Variants in PLSCR1 observed in about 807,000 individuals in gnomAD.
PLSCR1 encodes the protein PL scramblase 1.
Under a neutral mutation model 37.8 loss-of-function variants are expected in PLSCR1, and 17 were observed. The ratio of observed to expected loss-of-function variants is 0.45; its 90% CI spans 0.31 to 0.68. PLSCR1 has a LOEUF of 0.68. Among genes scored for constraint, PLSCR1 ranks in the 30% least tolerant of loss-of-function variants. The pLI is 0.06. For synonymous variants in PLSCR1, 116 were observed against 125.9 expected, an observed-to-expected ratio of 0.92 and a Z score of 0.53; for missense variants, 347 against 380.9, an observed-to-expected ratio of 0.91 and a Z score of 0.74.
chr3:146,534,502 C>T (rs2044240302), intron 2 of PLSCR1, among the ~76,000 whole-genome samples: 1 of 152,160 alleles, frequency 6.6e-6, no homozygotes, highest in Non-Finnish European at 1.5e-5. Context: ...TATGAACTTT[C>T]AAAGACCACT....
intron 1 of PLSCR1, among the ~76,000 whole-genome samples, chr3:146,540,540 C>G (rs1470682637): frequency 6.6e-6 from 1 of 152,092 alleles, no homozygotes; most frequent in Non-Finnish European, 1.5e-5. Context: ...ATCTGGAACC[C>G]AAAGGGGAAG....
intron 5 of PLSCR1, among the ~76,000 whole-genome samples, chr3:146,524,444 A>G (rs1355081520): frequency 6.6e-6 from 1 of 151,896 alleles, no homozygotes; most frequent in Non-Finnish European, 1.5e-5. Flanking sequence ...CAAAAAAAAA[A>G]CTGGAGACAT....
rs752294501 is a variant in PLSCR1, at chr3:146,528,768, T to C, written c.158A>G (p.His53Arg). The change falls in exon 4 of 9, where the codon CAT becomes CGT. Residue 53 changes from histidine (H) to arginine (R), a missense_variant. His to Arg is a conservative substitution (Grantham distance 29). Coordinates refer to ENST00000342435, the MANE Select transcript of PLSCR1 (RefSeq NM_021105.3). Reference protein sequence around the residue: ...QVSYPPPPAGHSGPGPAGFPV... With the variant: ...QVSYPPPPAGRSGPGPAGFPV... Reference sequence around the variant, plus strand: ...AAAGCCAGCTGGGCCAGGACCTGAATGGCCGGCTGGTGGGGGTGGGTAGCT... The same window carrying C: ...AAAGCCAGCTGGGCCAGGACCTGAACGGCCGGCTGGTGGGGGTGGGTAGCT... The C allele has an allele frequency of 1.2e-6, 2 of 1,613,970 alleles. No homozygotes were observed. Among genetic ancestry groups the C allele is most frequent in the Non-Finnish European group, 1.7e-6 (2 of 1,179,904 alleles).
chr3:146,515,709 G>T lies in PLSCR1; in HGVS notation c.*336C>A, dbSNP rs1156783465. ...ATTGTAACTAGATTTAATAGGACAAGATATAATTTATATAAAAATTAATAA... is the reference window on the plus strand; with the variant it reads ...ATTGTAACTAGATTTAATAGGACAATATATAATTTATATAAAAATTAATAA... On this transcript the variant is annotated 3_prime_UTR_variant, in exon 9 of 9. Transcript: ENST00000342435. 5.8e-6 allele frequency: 1 copy of T among 173,128 alleles called. No homozygotes were observed. The allele number at this position is 173,128 out of a possible 1,614,324, so 10.7% of individuals were successfully genotyped here.
At chr3:146,537,847 G>C (rs2044286303) in intron 1 of PLSCR1, 2 of 152,014 alleles carry the variant, frequency 1.3e-5, no homozygotes, top group Non-Finnish European at 2.9e-5. Context: ...TCCAGCCTGG[G>C]TGACAGAGCA....
chr3:146,533,884 G>A (rs2609869), intron 2 of PLSCR1, among the ~76,000 whole-genome samples: 2 of 152,082 alleles, frequency 1.3e-5, no homozygotes, highest in East Asian at 3.9e-4. Context: ...TACAGACTAC[G>A]AAGAAAGAGA....
rs1374475050 is a variant in PLSCR1, at chr3:146,522,045, C to T, written c.364G>A (p.Gly122Ser). 6.4e-7 allele frequency: 1 copy of T among 1,553,360 alleles called. No individual in the cohort carries two copies. Among genetic ancestry groups the T allele is most frequent in the Non-Finnish European group, 8.9e-7 (1 of 1,124,560 alleles). ...TCATATTTGTTATTAGTTTCAAAAC[C>T]TGTTAAAACTAAAAACATAAAAGAC... is the stretch of plus-strand genomic sequence containing the variant. ...QQIELLEVLT[G>S]FETNNKYEIK... The change falls in exon 6 of 9, where the codon GGT (glycine) becomes AGT (serine). Residue 122 changes from glycine to serine, a missense_variant. Gly to Ser is a moderately conservative substitution (Grantham distance 56). Coordinates refer to ENST00000342435, the MANE Select transcript of PLSCR1 (RefSeq NM_021105.3).
chr3:146,536,666 G>C lies in PLSCR1; in HGVS notation c.-13-101C>G, dbSNP rs2044269912. 3 of 716,586 alleles carry C rather than the reference G, an allele frequency of 4.2e-6. No individual in the cohort carries two copies. In the African/African-American group the frequency reaches 5.3e-5, roughly 13 times the overall value. 44.4% of individuals were successfully genotyped at this position (716,586 alleles called of 1,614,324 possible). The stretch of plus-strand genomic sequence containing the variant: ...CTAAAACTACACAGTCACATTCATA[G>C]GATATTCCTCTTTATTCATCCAGCC... On this transcript the variant is annotated intron_variant, in intron 1 of 8. Transcript: ENST00000342435.
intron 8 of PLSCR1, 39 bp from the exon 9 acceptor site, chr3:146,516,140 A>G (rs748791741): frequency 7.7e-7 from 1 of 1,292,916 alleles, no homozygotes; most frequent in Non-Finnish European, 1.1e-6. Context: ...ATTTTCAACA[A>G]CAAAACAGAG....
intron 3 of PLSCR1, among the ~76,000 whole-genome samples, chr3:146,531,711 C>G (rs1321983014): frequency 6.6e-6 from 1 of 152,176 alleles, no homozygotes; most frequent in African/African-American, 2.4e-5. Flanking sequence ...TTTACATATA[C>G]TCTCATTTAC....
intron 3 of PLSCR1, 44 bp downstream of exon 3, chr3:146,533,426 C>A: frequency 9.4e-7 from 1 of 1,060,190 alleles, no homozygotes; most frequent in South Asian, 1.4e-5. Context: ...CTCTCTCTGT[C>A]TCTCAATTAA....
intron 1 of PLSCR1, among the ~76,000 whole-genome samples, chr3:146,539,715 T>C (rs1171737686): frequency 5.3e-5 from 8 of 152,260 alleles, no homozygotes; most frequent in African/African-American, 1.9e-4. Flanking sequence ...TTAGTGAGGA[T>C]GAGACTTACT....
intron 1 of PLSCR1, among the ~76,000 whole-genome samples, chr3:146,541,696 C>G (rs1181367605): frequency 6.6e-6 from 1 of 152,210 alleles, no homozygotes; most frequent in African/African-American, 2.4e-5. Context: ...TTAGCTTTAA[C>G]TAGGCCAGGT....
intron 7 of PLSCR1, among the ~76,000 whole-genome samples, chr3:146,519,073 T>C (rs1245087311): frequency 6.6e-6 from 1 of 152,170 alleles, no homozygotes; most frequent in Non-Finnish European, 1.5e-5. Flanking sequence ...GCTATTTTAT[T>C]TACTTACTAA....
intron 1 of PLSCR1, among the ~76,000 whole-genome samples, chr3:146,543,621 T>A (rs189485999): frequency 6.4e-4 from 97 of 152,306 alleles, no homozygotes; most frequent in Non-Finnish European, 1.3e-3. Flanking sequence ...TAACAGTGCA[T>A]GAATGAAACC....
chr3:146,522,227 G>A (rs1227240685), intron 5 of PLSCR1, among the ~76,000 whole-genome samples, 174 bp from the exon 6 acceptor site: 6 of 152,026 alleles, frequency 3.9e-5, no homozygotes, highest in Non-Finnish European at 7.4e-5. Context: ...AAAAAAAGGA[G>A]AGATTACCAA....
chr3:146,518,780 C>CT (rs1384294635), intron 7 of PLSCR1, among the ~76,000 whole-genome samples: 1 of 151,982 alleles, frequency 6.6e-6, no homozygotes, highest in African/African-American at 2.4e-5. Context: ...ATTAGCAGGA[C>CT]TAGATAATTT....
chr3:146,522,099 T>C (rs376492069), intron 5 of PLSCR1, 46 bp from the exon 6 acceptor site: 1 of 1,058,334 alleles, frequency 9.4e-7, no homozygotes. Flanking sequence ...ATGTTAAAAA[T>C]ATTGAATTTA....
rs563209350 is a variant in PLSCR1 at position 146,515,901 on chromosome 3, T to C, written c.*144A>G. On this transcript the variant is annotated 3_prime_UTR_variant, in exon 9 of 9. Transcript: ENST00000342435. ...TACAAAAACCTTTATAAATCAGTTA[T>C]ACAGAAGATAAACTATAATTTGAAA... The C allele has an allele frequency of 6.3e-5, 33 of 527,664 alleles. No homozygotes were observed. The highest frequency in any genetic ancestry group is 6.2e-4 in the African/African-American group (31 of 50,298). 32.7% of individuals were successfully genotyped at this position (527,664 alleles called of 1,614,324 possible).
Sources: allele counts gnomAD v4.1 joint callset (sites outside exome capture counted in the v4.1 genomes callset), GRCh38; gene constraint gnomAD v4.1.1; transcripts MANE v1.5; gene names NCBI Gene and HGNC (gene_info 2026-07-23, HGNC 2026-07-21).